The following ODF2 variants were observed in gnomAD, a reference collection of about 807,000 sequenced individuals.
ODF2 encodes outer dense fiber of sperm tails 2.
Under a neutral mutation model 110.2 loss-of-function variants are expected in ODF2, and 47 were observed. The ratio of observed to expected loss-of-function variants is 0.43; its 90% CI spans 0.34 to 0.54. The LOEUF (loss-of-function observed/expected upper bound fraction) is 0.54. Among genes scored for constraint, ODF2 ranks in the 20% least tolerant of loss-of-function variants. ODF2 has a pLI of 0.03. For synonymous variants in ODF2, 352 were observed against 397.7 expected, an observed-to-expected ratio of 0.89 and a Z score of 1.37; for missense variants, 812 against 1,054.5, an observed-to-expected ratio of 0.77 and a Z score of 3.19.
intron 13 of ODF2, among the ~76,000 whole-genome samples, chr9:128,487,303 G>T (rs117029479): frequency 6.6e-6 from 1 of 152,158 alleles, no homozygotes; most frequent in Admixed American, 6.6e-5. Context: ...TTTCTTGGAG[G>T]GGGAGGTATG....
At chr9:128,460,867 G>A (rs1024437104) in intron 3 of ODF2, 75 bp from the exon 4 acceptor site, 15 of 1,596,578 alleles carry the variant, frequency 9.4e-6, no homozygotes, top group Middle Eastern at 1.7e-4. Flanking sequence ...TCTGCTAGTC[G>A]GAGAGGGATG....
At chr9:128,498,051 T>G (rs918585659) in intron 18 of ODF2, 1 of 165,362 alleles carries the variant, frequency 6.0e-6, no homozygotes, top group Admixed American at 6.4e-5. Flanking sequence ...TGTGCTGACT[T>G]CAGGCCAATG....
rs769582537 is a variant in ODF2, at chr9:128,487,919, A to G, written c.1430A>G (p.Gln477Arg). 58 of 1,613,966 alleles carry G rather than the reference A, an allele frequency of 3.6e-5. 1 individual carries two copies. The South Asian group carries it at 6.3e-4, about 17-fold the overall frequency. ...GTAACAGATCTTGTAAACCAACAAC[A>G]AACCCTGGAGGAGAAGATGCGGGAA... is the stretch of plus-strand genomic sequence containing the variant. Residue 477 changes from glutamine to arginine, a missense_variant, in exon 14 of 21, where the codon CAA becomes CGA. Physicochemically the swap from Gln to Arg is conservative, Grantham distance 43. Coordinates refer to ENST00000604420, the Ensembl canonical transcript of ODF2.
intron 17 of ODF2, among the ~76,000 whole-genome samples, chr9:128,495,148 G>A (rs541579829): frequency 1.6e-4 from 25 of 152,212 alleles, no homozygotes; most frequent in Non-Finnish European, 3.4e-4. Context: ...CCATGCCTAC[G>A]GCCTGCAGTG....
intron 5 of ODF2, among the ~76,000 whole-genome samples, chr9:128,470,577 C>T (rs898044521): frequency 2.0e-5 from 3 of 151,464 alleles, no homozygotes; most frequent in African/African-American, 4.9e-5. Flanking sequence ...GAGCTGAGAT[C>T]GTACCGCTGC....
chr9:128,482,154 A>T (rs1307939463), intron 9 of ODF2, among the ~76,000 whole-genome samples: 1 of 152,232 alleles, frequency 6.6e-6, no homozygotes, highest in East Asian at 1.9e-4. Flanking sequence ...CATGAAGTTC[A>T]ACAGCTTCTT....
chr9:128,486,834 CA>C (rs1843453588), intron 13 of ODF2, among the ~76,000 whole-genome samples: 1 of 152,168 alleles, frequency 6.6e-6, no homozygotes, highest in Admixed American at 6.5e-5. Context: ...GCTGGGGGTA[CA>C]AAAGCCCAGG....
At chr9:128,493,745 C>T (rs1356118635) in intron 16 of ODF2, among the ~76,000 whole-genome samples, 1 of 152,156 alleles carries the variant, frequency 6.6e-6, no homozygotes. Context: ...TCCCTCTGAC[C>T]TGTAGCATTG....
chr9:128,460,265 C>T (rs1202081406), intron 3 of ODF2: 5 of 1,351,702 alleles, frequency 3.7e-6, no homozygotes, highest in Non-Finnish European at 4.9e-6. Flanking sequence ...CCCTAAGAAC[C>T]CTGGGGCCGG....
chr9:128,486,527 G>C (rs1433873965), intron 13 of ODF2, among the ~76,000 whole-genome samples: 1 of 152,208 alleles, frequency 6.6e-6, no homozygotes, highest in East Asian at 1.9e-4. Flanking sequence ...TCAATACTGA[G>C]AGCACATATT....
At chr9:128,493,994 C>T (rs538036380) in intron 16 of ODF2, among the ~76,000 whole-genome samples, 1 of 152,210 alleles carries the variant, frequency 6.6e-6, no homozygotes, top group African/African-American at 2.4e-5. Flanking sequence ...AGGGTTTCAC[C>T]TTGTTGGCCA....
chr9:128,466,703 C>T (rs956053359), intron 4 of ODF2, among the ~76,000 whole-genome samples: 9 of 149,180 alleles, frequency 6.0e-5, no homozygotes, highest in South Asian at 2.1e-4. Flanking sequence ...TGTGGCCGGG[C>T]GTGGTGGCTC....
chr9:128,479,295 G>T (rs1374017629), intron 8 of ODF2, among the ~76,000 whole-genome samples: 6 of 152,156 alleles, frequency 3.9e-5, no homozygotes, highest in Non-Finnish European at 7.4e-5. Flanking sequence ...AGGTGCCAAA[G>T]AAAAATAGGG....
At chr9:128,497,236 A>C (rs954700066) in intron 18 of ODF2, among the ~76,000 whole-genome samples, 1 of 150,866 alleles carries the variant, frequency 6.6e-6, no homozygotes, top group African/African-American at 2.4e-5. Flanking sequence ...GGTACCTGGC[A>C]AAGCATGACT....
intron 8 of ODF2, among the ~76,000 whole-genome samples, chr9:128,479,607 T>C (rs956491281): frequency 1.3e-5 from 2 of 151,590 alleles, no homozygotes; most frequent in African/African-American, 4.9e-5. Flanking sequence ...CCTTCCGACC[T>C]GGCCATTCCT....
intron 20 of ODF2, 105 bp from the exon 21 acceptor site, chr9:128,499,962 C>T (rs1846275905): frequency 3.4e-6 from 4 of 1,173,940 alleles, no homozygotes; most frequent in South Asian, 2.9e-5. Flanking sequence ...ACTCCACACT[C>T]GCCTCCCCAA....
chr9:128,460,951 A>G (rs1836288297), exon 4 of ODF2: 1 of 1,614,064 alleles, frequency 6.2e-7, no homozygotes, highest in South Asian at 1.1e-5. Flanking sequence ...GAAATCTCAC[A>G]AGCGAGGAAT....
At chr9:128,466,803 C>T (rs1838050357) in intron 4 of ODF2, among the ~76,000 whole-genome samples, 1 of 148,050 alleles carries the variant, frequency 6.8e-6, no homozygotes, top group Non-Finnish European at 1.5e-5. Context: ...CAGTGAAACT[C>T]CGTCTCTACT....
intron 19 of ODF2, 39 bp downstream of exon 19, chr9:128,498,614 T>TG: frequency 8.5e-7 from 1 of 1,176,262 alleles, no homozygotes; most frequent in South Asian, 1.4e-5. Flanking sequence ...TCTGTGACCT[T>TG]GGGCAAATCA....
Sources: gnomAD v4.1 joint callset for allele counts (sites outside exome capture counted in the v4.1 genomes callset) on GRCh38, gnomAD v4.1.1 for gene constraint, MANE v1.5 for transcripts, NCBI Gene and HGNC (gene_info 2026-07-23, HGNC 2026-07-21) for gene names.